Variants in PCNX2 observed in about 807,000 individuals in gnomAD.
PCNX2 encodes pecanex-like protein 2.
A neutral mutation model predicts 223.8 loss-of-function variants in PCNX2; 168 were observed. That is an observed-to-expected ratio of 0.75 (90% CI 0.66 to 0.85). PCNX2 has a LOEUF of 0.85. PCNX2 is among the 40% of genes least tolerant of loss of function. The pLI, the probability that PCNX2 is intolerant of heterozygous loss-of-function variation, is 0.00. For synonymous variants in PCNX2, 1,006 were observed against 1,052.6 expected (o/e 0.96, Z 0.86); for missense variants, 2,507 against 2,675.5 (o/e 0.94, Z 1.39).
intron 8 of PCNX2, among the ~76,000 whole-genome samples, chr1:233,248,667 C>T (rs1659271301): frequency 6.6e-6 from 1 of 152,134 alleles, no homozygotes; most frequent in Non-Finnish European, 1.5e-5. Flanking sequence ...CCCCACTTTG[C>T]TTAAACCTGT....
intron 21 of PCNX2, among the ~76,000 whole-genome samples, chr1:233,123,590 A>ACG (rs1482320085): frequency 2.6e-5 from 4 of 152,174 alleles, no homozygotes; most frequent in Non-Finnish European, 5.9e-5. Flanking sequence ...CTCAAAAAAA[A>ACG]AAAAAATCTT....
chr1:233,075,761 C>T (rs569602088), intron 23 of PCNX2, among the ~76,000 whole-genome samples: 1 of 149,356 alleles, frequency 6.7e-6, no homozygotes, highest in African/African-American at 2.5e-5. Flanking sequence ...ATCTCCATTG[C>T]AAATAGCAGG....
intron 1 of PCNX2, chr1:233,291,710 C>G (rs1558431827): frequency 1.0e-6 from 1 of 985,192 alleles, no homozygotes; most frequent in East Asian, 1.1e-4. Context: ...CCCATATGCC[C>G]CTGCTGTAAA....
chr1:233,248,117 T>C (rs1031140695), intron 8 of PCNX2, among the ~76,000 whole-genome samples: 5 of 152,154 alleles, frequency 3.3e-5, no homozygotes, highest in African/African-American at 9.7e-5. Flanking sequence ...AAGGGGAAAG[T>C]TGCTTGCAAA....
intron 8 of PCNX2, among the ~76,000 whole-genome samples, chr1:233,250,083 C>T (rs1302323702): frequency 6.6e-6 from 1 of 152,154 alleles, no homozygotes; most frequent in African/African-American, 2.4e-5. Flanking sequence ...CATACATGAA[C>T]AATTTACTTC....
At chr1:233,199,513 C>G (rs1680930575) in intron 14 of PCNX2, among the ~76,000 whole-genome samples, 1 of 151,920 alleles carries the variant, frequency 6.6e-6, no homozygotes, top group Non-Finnish European at 1.5e-5. Context: ...GCATTATGCA[C>G]ATGATTTCAT....
chr1:233,076,350 T>C (rs140047447), intron 23 of PCNX2, among the ~76,000 whole-genome samples: 1 of 152,202 alleles, frequency 6.6e-6, no homozygotes, highest in African/African-American at 2.4e-5. Flanking sequence ...TTTCCCCATA[T>C]AGCAAAAAGA....
chr1:233,181,770 C>T lies in PCNX2; in HGVS notation c.3067-2595G>A, dbSNP rs1385309301. Among the ~76,000 whole-genome samples the T allele has an allele frequency of 7.2e-5, 11 of 152,128 alleles. 1 individual carries two copies. The highest frequency in any genetic ancestry group is 7.2e-4 in the Admixed American group (11 of 15,266). ...TTGTGTTCTCACATGGTAGAAGATG[C>T]AAGAGAGCATTCTAGGGCCTCTTTT... On this transcript the variant is annotated intron_variant, in intron 15 of 33. Coordinates refer to ENST00000258229, the MANE Select transcript of PCNX2 (RefSeq NM_014801.4).
chr1:233,138,031 T>C (rs1676907932), intron 20 of PCNX2, among the ~76,000 whole-genome samples: 1 of 152,212 alleles, frequency 6.6e-6, no homozygotes, highest in Non-Finnish European at 1.5e-5. Context: ...TAGAGTTTCC[T>C]GCTATCCTGT....
At chr1:233,316,567 C>T in the PCNX2 span, among the ~76,000 whole-genome samples, 23 of 152,256 alleles carry the variant, frequency 1.5e-4, no homozygotes, top group African/African-American at 5.5e-4. Context: ...TTACTAACAC[C>T]TCCTTCATTT....
At chr1:233,172,240 A>G (rs1679197367) in intron 17 of PCNX2, 1 of 496,996 alleles carries the variant, frequency 2.0e-6, no homozygotes, top group Non-Finnish European at 2.6e-6. Flanking sequence ...ATTTTTTTAT[A>G]GTAAGCTGTG....
intron 23 of PCNX2, among the ~76,000 whole-genome samples, chr1:233,082,848 T>C (rs1673421510): frequency 6.6e-6 from 1 of 152,212 alleles, no homozygotes. Context: ...AAATCATGAA[T>C]GAAACTCCAG....
intron 25 of PCNX2, among the ~76,000 whole-genome samples, chr1:233,042,593 A>T (rs1238695929): frequency 2.6e-5 from 4 of 152,136 alleles, no homozygotes; most frequent in African/African-American, 9.7e-5. Flanking sequence ...TAACAGGGAG[A>T]AGTTCAACTT....
chr1:233,054,456 A>C lies in PCNX2; in HGVS notation c.4163T>G (p.Ile1388Ser). ...GGTCCTTGTCAAGTGTTCATAAAAA[A>C]TGGAATTGAGATTGTTGTCATCATT... ...PGNDDNNLNSIFYEHLTRTLQ... is the reference protein window; with the variant it reads ...PGNDDNNLNSSFYEHLTRTLQ... Residue 1388 changes from isoleucine to serine, a missense_variant, in exon 25 of 34, where the codon ATT (isoleucine) becomes AGT (serine). Physicochemically the swap from Ile to Ser is moderately radical, Grantham distance 142 (BLOSUM62 -2). This residue lies in a region of PCNX2 where 1,372 missense variants were observed against 1,509.4 expected (regional missense o/e 0.91). Coordinates refer to ENST00000258229, the MANE Select transcript of PCNX2 (RefSeq NM_014801.4). 1 of 1,613,712 alleles carries C rather than the reference A, an allele frequency of 6.2e-7. No homozygotes were observed. The highest frequency in any genetic ancestry group is 1.1e-5 in the South Asian group (1 of 91,042).
chr1:233,159,575 A>T (rs2102818789), intron 19 of PCNX2, among the ~76,000 whole-genome samples: 1 of 152,356 alleles, frequency 6.6e-6, no homozygotes, highest in East Asian at 1.9e-4. Flanking sequence ...TGATGGGTCT[A>T]AAACTGTGGA....
At chr1:233,056,972 C>T (rs950932431) in intron 24 of PCNX2, among the ~76,000 whole-genome samples, 26 of 152,118 alleles carry the variant, frequency 1.7e-4, no homozygotes, top group Middle Eastern at 3.4e-3. Context: ...TTACTGCACA[C>T]GAACTAAAAT....
Position 233,054,340 on chromosome 1 carries a change from T to A in PCNX2, c.4279A>T (p.Asn1427Tyr), listed in dbSNP as rs753836091. Residue 1427 changes from asparagine to tyrosine, a missense_variant, in exon 25 of 34, where the codon AAT becomes TAT. Asn to Tyr is a moderately radical substitution (Grantham distance 143). Coordinates refer to ENST00000258229, the MANE Select transcript of PCNX2 (RefSeq NM_014801.4). ...DCFILASDDL[N>Y]AFVHLIEIGN... is the part of the protein sequence containing the mutation. ...ATTTCAATCAGGTGAACAAAGGCATTGAGGTCATCTGAAGCCAAAATAAAG... is the reference window on the plus strand; with the variant it reads ...ATTTCAATCAGGTGAACAAAGGCATAGAGGTCATCTGAAGCCAAAATAAAG... The A allele has an allele frequency of 2.1e-5, 34 of 1,613,910 alleles. No homozygotes were observed. In the South Asian group the frequency reaches 3.7e-4, roughly 18 times the overall value.
At chr1:233,301,526 C>T in the PCNX2 span, among the ~76,000 whole-genome samples, 1 of 152,106 alleles carries the variant, frequency 6.6e-6, no homozygotes, top group South Asian at 2.1e-4. Context: ...AGCAAAAATC[C>T]TTAAAAACAT....
chr1:233,314,352 G>C, the PCNX2 span, among the ~76,000 whole-genome samples: 1 of 152,080 alleles, frequency 6.6e-6, no homozygotes, highest in South Asian at 2.1e-4. Context: ...CAGTGTGGGG[G>C]AGAATTTTAA....
Sources: gnomAD v4.1 joint callset for allele counts (sites outside exome capture counted in the v4.1 genomes callset) on GRCh38, gnomAD v4.1.1 for gene constraint, gnomAD v4.1.1 regional missense constraint, MANE v1.5 for transcripts, NCBI Gene and HGNC (gene_info 2026-07-23, HGNC 2026-07-21) for gene names.